LMOD1: variants seen among roughly 807,000 people sequenced by gnomAD.
The protein encoded by LMOD1 is leiomodin 1.
In LMOD1, 8 loss-of-function variants were observed where a neutral mutation model predicts 36.5. That is an observed-to-expected ratio of 0.22 (90% CI 0.13 to 0.40). The LOEUF is 0.40. LMOD1 is among the 10% of genes least tolerant of loss of function. The pLI, the probability that LMOD1 is intolerant of heterozygous loss-of-function variation, is 1.00. For synonymous variants in LMOD1, 284 were observed against 288.7 expected (o/e 0.98, Z 0.17); for missense variants, 630 against 751.1 (o/e 0.84, Z 1.88).
chr1:201,903,876 T>C (rs1435076383), intron 1 of LMOD1, among the ~76,000 whole-genome samples: 4 of 152,208 alleles, frequency 2.6e-5, no homozygotes, highest in Non-Finnish European at 4.4e-5. Context: ...CTTGTAGGCT[T>C]CACTCAGAGA....
intron 1 of LMOD1, among the ~76,000 whole-genome samples, chr1:201,940,535 G>A (rs915328325): frequency 6.6e-6 from 1 of 151,490 alleles, no homozygotes; most frequent in African/African-American, 2.4e-5. Context: ...CAGGCACCCA[G>A]AGGGCAGCAC....
At position 201,900,399 on chromosome 1, in the gene LMOD1, T is replaced by C. The variant is rs757846823; in HGVS notation, c.614A>G (p.Asp205Gly). The C allele has an allele frequency of 1.3e-6, 2 of 1,564,772 alleles. No individual in the cohort carries two copies. The highest frequency in any genetic ancestry group is 1.7e-6 in the Non-Finnish European group (2 of 1,153,898). Reference protein sequence around the residue: ...DRNTGLSRDKDKKREEMKEVA... With the variant: ...DRNTGLSRDKGKKREEMKEVA... ...CTCCTTCATCTCCTCTCTCTTTTTA[T>C]CCTTGTCCCTGCTCAAGCCTGTGTT... Residue 205 changes from aspartate (D) to glycine (G), a missense_variant, in exon 2 of 3, where the codon GAT becomes GGT. Asp to Gly is a moderately conservative substitution (Grantham distance 94). Transcript: ENST00000367288.
In LMOD1 at chr1:201,898,296, G is replaced by A. The variant is rs771433080; in HGVS notation, c.*76C>T. The A allele has an allele frequency of 2.0e-6, 3 of 1,476,290 alleles. No individual in the cohort carries two copies. Among genetic ancestry groups the A allele is most frequent in the East Asian group, 4.7e-5 (2 of 42,718 alleles). 91.4% of individuals were successfully genotyped at this position (1,476,290 alleles called of 1,614,324 possible). On this transcript the variant is annotated 3_prime_UTR_variant, in exon 3 of 3. Coordinates refer to ENST00000367288, the MANE Select transcript of LMOD1 (RefSeq NM_012134.3). The stretch of plus-strand genomic sequence containing the variant: ...CAGCAGGTCAGCCAGGGATGGGGTG[G>A]GCAGGGTCTGTGTAGCCCTGGGAGG...
At chr1:201,935,160 C>A (rs1203812992) in intron 1 of LMOD1, among the ~76,000 whole-genome samples, 1 of 152,118 alleles carries the variant, frequency 6.6e-6, no homozygotes, top group African/African-American at 2.4e-5. Flanking sequence ...TGTAGGAGGG[C>A]AAGAGTGCAG....
intron 1 of LMOD1, among the ~76,000 whole-genome samples, chr1:201,924,515 AGGAGGGAGGAAG>A (rs1681776708): frequency 1.8e-5 from 2 of 111,688 alleles, no homozygotes; most frequent in African/African-American, 7.1e-5. Flanking sequence ...GAAGCAAGGA[AGGAGGGAGGAAG>A]GGAAGGAAGG....
At chr1:201,920,045 C>CTTTTTTT (rs576044641) in intron 1 of LMOD1, among the ~76,000 whole-genome samples, 15 of 52,534 alleles carry the variant, frequency 2.9e-4, no homozygotes, top group South Asian at 8.0e-4. Context: ...GGCTCTCTCT[C>CTTTTTTT]TTTTTTTTTT....
chr1:201,933,005 CA>C (rs1214947542), intron 1 of LMOD1, among the ~76,000 whole-genome samples: 3 of 152,168 alleles, frequency 2.0e-5, no homozygotes, highest in Non-Finnish European at 2.9e-5. Flanking sequence ...ATGTTCATAA[CA>C]GCATTGTTTG....
chr1:201,942,365 C>A (rs888934911), intron 1 of LMOD1, among the ~76,000 whole-genome samples: 1 of 152,182 alleles, frequency 6.6e-6, no homozygotes, highest in Non-Finnish European at 1.5e-5. Flanking sequence ...AGGTGCCTGA[C>A]CTTGAGGGAG....
chr1:201,931,372 T>C (rs1681915992), intron 1 of LMOD1, among the ~76,000 whole-genome samples: 1 of 152,006 alleles, frequency 6.6e-6, no homozygotes, highest in Non-Finnish European at 1.5e-5. Flanking sequence ...TCGTCTCTAC[T>C]AAAAATACAA....
intron 1 of LMOD1, among the ~76,000 whole-genome samples, chr1:201,938,829 G>C (rs1240865198): frequency 6.6e-6 from 1 of 152,188 alleles, no homozygotes; most frequent in Admixed American, 6.5e-5. Flanking sequence ...TCTGCAGTGG[G>C]CCCCAGGGAC....
At chr1:201,938,057 A>G (rs1037948038) in intron 1 of LMOD1, among the ~76,000 whole-genome samples, 3 of 151,536 alleles carry the variant, frequency 2.0e-5, no homozygotes, top group African/African-American at 4.9e-5. Flanking sequence ...CCAACCCAGC[A>G]CTCTGCTTAG....
At chr1:201,921,609 A>C (rs1383779390) in intron 1 of LMOD1, among the ~76,000 whole-genome samples, 1 of 151,880 alleles carries the variant, frequency 6.6e-6, no homozygotes, top group African/African-American at 2.4e-5. Flanking sequence ...AAATATGGTG[A>C]CTCTGAAAAG....
At position 201,899,334 on chromosome 1, in the gene LMOD1, C is replaced by T. The variant is rs542317911; in HGVS notation, c.1679G>A (p.Arg560Lys). ...AGGGAGGACTTTGTCTCCCATCTTC[C>T]TCTGGGTAGCTGGTGAGAGTGAATT... ...LKNSLSPATQ[R>K]KMGDKVLPAQ... Residue 560 changes from arginine (R) to lysine (K), a missense_variant, in exon 2 of 3, where the codon AGG (arginine) becomes AAG (lysine). By Grantham distance (26) the Arg-to-Lys change is conservative. Around this residue, in one of 3 missense-constraint regions of LMOD1, gnomAD observed 144 missense variants for 169.8 expected, o/e 0.85. Coordinates refer to ENST00000367288, the MANE Select transcript of LMOD1 (RefSeq NM_012134.3). This position sits in a 1 kb window ranked among gnomAD's most constrained non-coding sequence, Gnocchi z 6.3. 3.0e-5 allele frequency: 48 copies of T among 1,612,318 alleles called. No individual in the cohort carries two copies. The South Asian group carries it at 5.2e-4, about 17-fold the overall frequency.
intron 1 of LMOD1, among the ~76,000 whole-genome samples, chr1:201,937,862 A>G (rs1387272102): frequency 6.6e-6 from 1 of 152,200 alleles, no homozygotes; most frequent in Non-Finnish European, 1.5e-5. Context: ...AAAGTACATA[A>G]TAGGAACTCA....
chr1:201,933,349 G>T (rs949127196), intron 1 of LMOD1, among the ~76,000 whole-genome samples: 47 of 151,416 alleles, frequency 3.1e-4, no homozygotes, highest in African/African-American at 1.1e-3. Context: ...GGAAGGTGGA[G>T]GTTGCAGTGA....
At chr1:201,905,266 T>G (rs957380910) in intron 1 of LMOD1, among the ~76,000 whole-genome samples, 1 of 152,188 alleles carries the variant, frequency 6.6e-6, no homozygotes, top group Non-Finnish European at 1.5e-5. Context: ...AGGTACCTAG[T>G]GATTGGGCTC....
Position 201,901,369 on chromosome 1 carries a change from G to A in LMOD1, c.262-618C>T, listed in dbSNP as rs554622504. On this transcript the variant is annotated intron_variant, in intron 1 of 2. Transcript: ENST00000367288. ...AATACAAAATTAGCCAGGCATGGTGGTGCATGCCTGTAATCCCAGCTACTC... is the reference window on the plus strand; with the variant it reads ...AATACAAAATTAGCCAGGCATGGTGATGCATGCCTGTAATCCCAGCTACTC... Among the ~76,000 whole-genome samples the A allele has an allele frequency of 2.7e-5, 4 of 150,796 alleles. No individual in the cohort carries two copies. The South Asian group carries it at 8.4e-4, about 32-fold the overall frequency.
At chr1:201,925,681 C>A (rs34118776) in intron 1 of LMOD1, among the ~76,000 whole-genome samples, 86 of 145,022 alleles carry the variant, frequency 5.9e-4, no homozygotes, top group Middle Eastern at 3.4e-3. Context: ...TTTTTTTTTT[C>A]AATCTCTTTC....
At chr1:201,901,073 A>G (rs774963891) in intron 1 of LMOD1, among the ~76,000 whole-genome samples, 42 of 152,334 alleles carry the variant, frequency 2.8e-4, no homozygotes, top group South Asian at 6.2e-4. Context: ...TGGGTGATTT[A>G]GAAGGACTGC....
Sources: allele counts gnomAD v4.1 joint callset (sites outside exome capture counted in the v4.1 genomes callset), GRCh38; gene constraint gnomAD v4.1.1; regional missense constraint gnomAD v4.1.1; non-coding constraint Gnocchi (gnomAD v3.1); transcripts MANE v1.5; gene names NCBI Gene and HGNC (gene_info 2026-07-23, HGNC 2026-07-21).